QTMAN: variants seen among roughly 807,000 people sequenced by gnomAD.
The protein encoded by QTMAN is queuosine-tRNA mannosyltransferase, also known as tRNA-queuosine alpha-mannosyltransferase.
the QTMAN span, among the ~76,000 whole-genome samples, chr2:144,019,460 G>GTGTA: frequency 6.7e-6 from 1 of 149,224 alleles, no homozygotes; most frequent in Non-Finnish European, 1.5e-5. Flanking sequence ...GTGTGTGTGT[G>GTGTA]TGTGTGTGTG....
At chr2:144,241,928 C>T in the QTMAN span, among the ~76,000 whole-genome samples, 1 of 151,864 alleles carries the variant, frequency 6.6e-6, no homozygotes, top group Admixed American at 6.5e-5. Flanking sequence ...TTTTGCAAAA[C>T]ATAGGGACAC....
chr2:144,332,175 C>T, the QTMAN span, among the ~76,000 whole-genome samples: 1 of 78 alleles, frequency 0.013, no homozygotes, highest in Non-Finnish European at 0.026. Flanking sequence ...CACAAAATGC[C>T]ACGGCGTGAC....
the QTMAN span, among the ~76,000 whole-genome samples, chr2:144,286,398 TATG>T: frequency 4.1e-4 from 62 of 152,364 alleles, 1 homozygote; most frequent in South Asian, 9.9e-3. Context: ...AGTAAACTTA[TATG>T]ATAATTTTTC....
At chr2:144,042,375 A>G in the QTMAN span, among the ~76,000 whole-genome samples, 3 of 152,154 alleles carry the variant, frequency 2.0e-5, no homozygotes, top group African/African-American at 4.8e-5. Context: ...CGTCACTGAC[A>G]GGAAAAACAA....
the QTMAN span, among the ~76,000 whole-genome samples, chr2:144,045,286 G>A: frequency 6.6e-6 from 1 of 152,186 alleles, no homozygotes; most frequent in Non-Finnish European, 1.5e-5. Flanking sequence ...TGTCTACATC[G>A]GAAGTGTGTG....
chr2:144,266,620 G>A, the QTMAN span, among the ~76,000 whole-genome samples: 1 of 152,212 alleles, frequency 6.6e-6, no homozygotes, highest in Non-Finnish European at 1.5e-5. Flanking sequence ...AGGAGGACTG[G>A]AAGTTGAAAC....
chr2:144,077,294 A>G, the QTMAN span, among the ~76,000 whole-genome samples: 1 of 152,382 alleles, frequency 6.6e-6, no homozygotes, highest in Admixed American at 6.5e-5. Context: ...ATTGCAAAGC[A>G]AAGTTTACAA....
the QTMAN span, among the ~76,000 whole-genome samples, chr2:144,053,445 ACT>A: frequency 6.6e-6 from 1 of 152,172 alleles, no homozygotes; most frequent in Non-Finnish European, 1.5e-5. Flanking sequence ...ATATACACAC[ACT>A]TTTTATTATT....
the QTMAN span, among the ~76,000 whole-genome samples, chr2:144,088,409 C>T: frequency 3.9e-5 from 6 of 152,082 alleles, no homozygotes; most frequent in African/African-American, 1.2e-4. Context: ...AAGCAGTCTA[C>T]ATATTAAATG....
At chr2:144,142,029 T>C in the QTMAN span, 3 of 1,610,654 alleles carry the variant, frequency 1.9e-6, no homozygotes, top group African/African-American at 1.3e-5. Context: ...AAAAACTGAG[T>C]TGAATACAAC....
the QTMAN span, among the ~76,000 whole-genome samples, chr2:144,051,833 A>C: frequency 6.6e-6 from 1 of 152,220 alleles, no homozygotes; most frequent in African/African-American, 2.4e-5. Flanking sequence ...GCGGAGGGGC[A>C]GTCTAGATGG....
chr2:143,938,760 T>C, the QTMAN span: 1 of 152,206 alleles, frequency 6.6e-6, no homozygotes. Flanking sequence ...CAAATAATAT[T>C]ATTTACATCC....
the QTMAN span, among the ~76,000 whole-genome samples, chr2:144,239,988 T>C: frequency 5.3e-5 from 8 of 152,236 alleles, no homozygotes; most frequent in Admixed American, 1.3e-4. Context: ...TATATAGCAG[T>C]TGCTCACCGC....
chr2:144,068,994 G>A, the QTMAN span, among the ~76,000 whole-genome samples: 461 of 152,126 alleles, frequency 3.0e-3, 2 homozygotes, highest in African/African-American at 0.01. Context: ...TACTGCAACC[G>A]TTCTCTCATT....
chr2:144,170,951 T>C, the QTMAN span, among the ~76,000 whole-genome samples: 16 of 152,174 alleles, frequency 1.1e-4, no homozygotes, highest in South Asian at 2.9e-3. Context: ...TCCCAAAATA[T>C]AGCACAGTAA....
At chr2:144,318,570 G>C in the QTMAN span, among the ~76,000 whole-genome samples, 2 of 152,258 alleles carry the variant, frequency 1.3e-5, no homozygotes, top group South Asian at 4.1e-4. Flanking sequence ...TAAATTAGAT[G>C]TGTGCAACTT....
At chr2:144,329,990 T>C in the QTMAN span, among the ~76,000 whole-genome samples, 1 of 152,218 alleles carries the variant, frequency 6.6e-6, no homozygotes, top group Non-Finnish European at 1.5e-5. Flanking sequence ...ACTAAATGTC[T>C]ACACTAAACA....
the QTMAN span, among the ~76,000 whole-genome samples, chr2:143,967,752 A>C: frequency 1.3e-5 from 2 of 152,174 alleles, no homozygotes; most frequent in Non-Finnish European, 2.9e-5. Flanking sequence ...CTGGGGAAAA[A>C]TTAATGTTTA....
At chr2:144,009,181 A>G in the QTMAN span, among the ~76,000 whole-genome samples, 1 of 152,124 alleles carries the variant, frequency 6.6e-6, no homozygotes, top group Non-Finnish European at 1.5e-5. Context: ...TTTCTTGCAA[A>G]GCTGAGGGAA....
Sources: gnomAD v4.1 joint callset for allele counts (sites outside exome capture counted in the v4.1 genomes callset) on GRCh38, gnomAD v4.1.1 for gene constraint, MANE v1.5 for transcripts, NCBI Gene and HGNC (gene_info 2026-07-23, HGNC 2026-07-21) for gene names.